Variants in CDC42BPA observed in about 807,000 individuals in gnomAD.
CDC42BPA encodes the protein serine/threonine-protein kinase MRCK alpha.
A neutral mutation model predicts 223.5 loss-of-function variants in CDC42BPA; 80 were observed. The observed-to-expected ratio is 0.36, with a 90% CI of 0.30 to 0.43. The LOEUF is 0.43. Among genes scored for constraint, CDC42BPA ranks in the 20% least tolerant of loss-of-function variants. CDC42BPA has a pLI of 1.00. For missense variants in CDC42BPA, 1,743 were observed against 2,099.9 expected (o/e 0.83, Z 3.32); for synonymous variants, 694 against 718.6 (o/e 0.97, Z 0.55).
At chr1:227,006,917 C>T (rs568269561) in intron 34 of CDC42BPA, among the ~76,000 whole-genome samples, 1 of 67,280 alleles carries the variant, frequency 1.5e-5, no homozygotes, top group East Asian at 4.2e-4. Flanking sequence ...CCGGCCTGGG[C>T]GTGCACTCAC....
chr1:227,079,860 G>GT (rs142485049), intron 17 of CDC42BPA, among the ~76,000 whole-genome samples: 19,367 of 149,440 alleles, frequency 0.13, 1,288 homozygotes, highest in East Asian at 0.26. Context: ...TGGATTTCAG[G>GT]TTTTTTTTTT....
At chr1:227,120,418 A>G (rs981806717) in intron 11 of CDC42BPA, among the ~76,000 whole-genome samples, 1 of 152,218 alleles carries the variant, frequency 6.6e-6, no homozygotes, top group Non-Finnish European at 1.5e-5. Context: ...TCTAAAGAGC[A>G]AATATCTGAA....
At chr1:227,260,252 T>A (rs1483594033) in intron 1 of CDC42BPA, among the ~76,000 whole-genome samples, 1 of 150,974 alleles carries the variant, frequency 6.6e-6, no homozygotes, top group Admixed American at 6.6e-5. Context: ...ATAAAAAAGA[T>A]CTCTGAAACT....
intron 34 of CDC42BPA, among the ~76,000 whole-genome samples, chr1:227,011,875 A>C (rs1665286322): frequency 6.6e-6 from 1 of 152,202 alleles, no homozygotes; most frequent in Non-Finnish European, 1.5e-5. Context: ...TTATGTTTCC[A>C]GAAAACATGA....
chr1:227,180,258 G>A (rs2150031069), intron 5 of CDC42BPA, among the ~76,000 whole-genome samples: 1 of 151,858 alleles, frequency 6.6e-6, no homozygotes, highest in Non-Finnish European at 1.5e-5. Flanking sequence ...AAATAAAGAA[G>A]GAATTCTCAA....
At chr1:227,288,133 T>C (rs969353853) in intron 1 of CDC42BPA, among the ~76,000 whole-genome samples, 3 of 152,204 alleles carry the variant, frequency 2.0e-5, no homozygotes, top group Admixed American at 2.0e-4. Flanking sequence ...AACATGGGGA[T>C]GGTCTGTGGG....
intron 5 of CDC42BPA, among the ~76,000 whole-genome samples, chr1:227,177,066 T>C (rs1667081415): frequency 8.3e-6 from 1 of 120,622 alleles, no homozygotes; most frequent in South Asian, 2.9e-4. Context: ...ATACATTATG[T>C]ATTCATTCAA....
chr1:227,059,447 A>G (rs1375002457), intron 21 of CDC42BPA: 2 of 1,523,092 alleles, frequency 1.3e-6, no homozygotes, highest in Admixed American at 2.0e-5. Context: ...CATGTTACAA[A>G]TATTTACACA....
intron 2 of CDC42BPA, among the ~76,000 whole-genome samples, chr1:227,238,753 T>C (rs868620764): frequency 2.2e-4 from 33 of 152,128 alleles, no homozygotes; most frequent in African/African-American, 7.5e-4. Context: ...AAGGGAAACA[T>C]TGCATGATTA....
At chr1:227,203,996 G>C (rs576306818) in intron 3 of CDC42BPA, among the ~76,000 whole-genome samples, 1 of 152,078 alleles carries the variant, frequency 6.6e-6, no homozygotes, top group Non-Finnish European at 1.5e-5. Context: ...GAGTTAAAAA[G>C]AAACAAAATC....
intron 1 of CDC42BPA, among the ~76,000 whole-genome samples, chr1:227,260,818 C>G (rs192455315): frequency 1.3e-5 from 2 of 150,946 alleles, no homozygotes; most frequent in East Asian, 3.9e-4. Flanking sequence ...CTGGAACCAA[C>G]AGTAGGGCAG....
At chr1:227,130,317 T>C (rs1218639978) in intron 10 of CDC42BPA, among the ~76,000 whole-genome samples, 1 of 152,222 alleles carries the variant, frequency 6.6e-6, no homozygotes, top group African/African-American at 2.4e-5. Flanking sequence ...ATAATCCCTA[T>C]ATGTTTGGCA....
At chr1:227,244,034 C>A (rs1680479276) in intron 2 of CDC42BPA, among the ~76,000 whole-genome samples, 1 of 151,816 alleles carries the variant, frequency 6.6e-6, no homozygotes, top group South Asian at 2.1e-4. Context: ...AAAAAAAGAC[C>A]CATGTTAGCG....
chr1:227,216,930 A>C (rs777493745), intron 2 of CDC42BPA, among the ~76,000 whole-genome samples: 6 of 152,260 alleles, frequency 3.9e-5, no homozygotes, highest in Non-Finnish European at 7.3e-5. Flanking sequence ...CTACAGAAAT[A>C]ATCACTAAGT....
chr1:227,011,692 G>C (rs1665244361), intron 34 of CDC42BPA, among the ~76,000 whole-genome samples: 1 of 152,094 alleles, frequency 6.6e-6, no homozygotes, highest in Non-Finnish European at 1.5e-5. Context: ...CAATGTTCAG[G>C]TATATTTTTT....
intron 1 of CDC42BPA, among the ~76,000 whole-genome samples, chr1:227,263,582 A>ATTTTTTTT (rs34757020): frequency 7.4e-6 from 1 of 135,126 alleles, no homozygotes; most frequent in African/African-American, 2.7e-5. Flanking sequence ...TTGAGAATCA[A>ATTTTTTTT]TTTTTTTTTT....
chr1:227,291,925 A>G (rs1440249216), intron 1 of CDC42BPA, among the ~76,000 whole-genome samples: 1 of 152,252 alleles, frequency 6.6e-6, no homozygotes, highest in African/African-American at 2.4e-5. Context: ...TGTTCACAAA[A>G]TTCAAGTTCA....
Position 227,029,098 on chromosome 1 carries a change from A to G in CDC42BPA, c.3991T>C (p.Ser1331Pro), listed in dbSNP as rs1668773853. Residue 1331 changes from serine (S) to proline (P), a missense_variant, in exon 30 of 37, where the codon TCA (serine) becomes CCA (proline). By Grantham distance (74) the Ser-to-Pro change is moderately conservative (BLOSUM62 -1). This residue lies in a region of CDC42BPA where 678 missense variants were observed against 777.5 expected (regional missense o/e 0.87). Transcript: ENST00000366766. Reference sequence around the variant, plus strand: ...ACGGTTTGACACCCTTTAGTTTCTGACAGCTTGTAAAAATCGGTCTCTCGC... The same window carrying G: ...ACGGTTTGACACCCTTTAGTTTCTGGCAGCTTGTAAAAATCGGTCTCTCGC... ...DGRETDFYKL[S>P]ETKGCQTVTS... 2 of 1,613,412 alleles carry G rather than the reference A, an allele frequency of 1.2e-6. No individual in the cohort carries two copies. The highest frequency in any genetic ancestry group is 3.3e-5 in the Admixed American group (2 of 60,002).
chr1:227,113,017 CACCTT>C, intron 12 of CDC42BPA, 104 bp from the exon 13 acceptor site: 1 of 1,011,348 alleles, frequency 9.9e-7, no homozygotes. Context: ...CAAAATTATT[CACCTT>C]AGGACAAATT....
Sources: gnomAD v4.1 joint callset for allele counts (sites outside exome capture counted in the v4.1 genomes callset) on GRCh38, gnomAD v4.1.1 for gene constraint, gnomAD v4.1.1 regional missense constraint, MANE v1.5 for transcripts, NCBI Gene and HGNC (gene_info 2026-07-23, HGNC 2026-07-21) for gene names.